Variants in EHMT1 observed in about 807,000 individuals in gnomAD.
EHMT1 encodes the protein histone-lysine N-methyltransferase EHMT1.
A neutral mutation model predicts 147.2 loss-of-function variants in EHMT1; 15 were observed. The ratio of observed to expected loss-of-function variants is 0.10; its 90% CI spans 0.07 to 0.16. The LOEUF (loss-of-function observed/expected upper bound fraction) is 0.16. Ranked by LOEUF, EHMT1 falls within the 10% of genes least tolerant of loss-of-function variation. The pLI, the probability that EHMT1 is intolerant of heterozygous loss-of-function variation, is 1.00. For synonymous variants in EHMT1, 795 were observed against 709.6 expected (o/e 1.12, Z -1.91); for missense variants, 1,587 against 1,772.4 (o/e 0.90, Z 1.88).
intron 16 of EHMT1, among the ~76,000 whole-genome samples, chr9:137,794,088 A>G (rs1952722634): frequency 6.6e-6 from 1 of 152,072 alleles, no homozygotes; most frequent in Non-Finnish European, 1.5e-5. Flanking sequence ...AAGTGATCAC[A>G]CTCCTCATAG....
chr9:137,814,723 T>G, intron 22 of EHMT1: 1 of 638,264 alleles, frequency 1.6e-6, no homozygotes, highest in Non-Finnish European at 2.8e-6. Flanking sequence ...TCCCTGGGGC[T>G]GGGGTCTGCA....
chr9:137,698,639 GT>G (rs1279542754), intron 1 of EHMT1, among the ~76,000 whole-genome samples: 1 of 152,150 alleles, frequency 6.6e-6, no homozygotes, highest in Non-Finnish European at 1.5e-5. Flanking sequence ...CCCTCAGTCT[GT>G]TTCAGGGTCA....
chr9:137,814,146 C>T (rs1012701364), intron 21 of EHMT1: 5 of 481,858 alleles, frequency 1.0e-5, no homozygotes, highest in East Asian at 8.0e-5. Context: ...CAAATGCAGC[C>T]GCCGCCCAGC....
intron 4 of EHMT1, among the ~76,000 whole-genome samples, chr9:137,736,823 G>A (rs551428369): frequency 1.3e-5 from 2 of 152,244 alleles, no homozygotes; most frequent in African/African-American, 4.8e-5. Context: ...CCTGGGAGGT[G>A]GAGGTTGCAG....
chr9:137,719,572 C>T (rs1046540916), intron 3 of EHMT1, among the ~76,000 whole-genome samples: 1 of 152,206 alleles, frequency 6.6e-6, no homozygotes, highest in East Asian at 1.9e-4. Context: ...CATGGCAAAG[C>T]TTTAGAAAAT....
intron 25 of EHMT1, among the ~76,000 whole-genome samples, chr9:137,823,794 G>A (rs1202710301): frequency 1.3e-5 from 2 of 152,180 alleles, no homozygotes; most frequent in African/African-American, 4.8e-5. Flanking sequence ...CTGACTGCAG[G>A]TGACCCACCC....
chr9:137,770,591 G>T (rs1002209175), intron 10 of EHMT1, among the ~76,000 whole-genome samples: 2 of 152,198 alleles, frequency 1.3e-5, no homozygotes, highest in African/African-American at 4.8e-5. Context: ...TATCCCGTTG[G>T]ACACCAGATA....
At chr9:137,741,618 A>C (rs1208949035) in intron 4 of EHMT1, among the ~76,000 whole-genome samples, 1 of 152,236 alleles carries the variant, frequency 6.6e-6, no homozygotes, top group East Asian at 1.9e-4. Context: ...AAGTACATGT[A>C]GTCACCCTTG....
At chr9:137,656,606 G>T (rs954673139) in intron 1 of EHMT1, among the ~76,000 whole-genome samples, 3 of 152,166 alleles carry the variant, frequency 2.0e-5, no homozygotes, top group African/African-American at 7.2e-5. Flanking sequence ...CCTGTGCTGT[G>T]GACTGGAGGC....
At chr9:137,674,196 C>T (rs546841897) in intron 1 of EHMT1, among the ~76,000 whole-genome samples, 12 of 152,162 alleles carry the variant, frequency 7.9e-5, no homozygotes, top group African/African-American at 2.2e-4. Flanking sequence ...CTGCCCTTTA[C>T]GAGGCAGTGG....
At chr9:137,745,727 A>G (rs756561290) in intron 6 of EHMT1, 18 of 394,634 alleles carry the variant, frequency 4.6e-5, no homozygotes, top group Non-Finnish European at 8.0e-5. Flanking sequence ...TACAAGGGGT[A>G]TTCAGTGTCA....
rs775614771 is a variant in EHMT1, at chr9:137,728,461, C to A, written c.755C>A (p.Pro252His). The change falls in exon 4 of 27, where the codon CCC (proline) becomes CAC (histidine). Residue 252 changes from proline to histidine, a missense_variant. Pro to His is a moderately conservative substitution (Grantham distance 77). Coordinates refer to ENST00000460843, the MANE Select transcript of EHMT1 (RefSeq NM_024757.5). Reference sequence around the variant, plus strand: ...TTTGGACGACAGCAGCTTTTACCCCCCTTCCCATCCCTTCATCAGTCGCTA... The same window carrying A: ...TTTGGACGACAGCAGCTTTTACCCCACTTCCCATCCCTTCATCAGTCGCTA... The part of the protein sequence containing the change: ...SDFGRQQLLP[P>H]FPSLHQSLPQ... The A allele has an allele frequency of 2.3e-5, 37 of 1,613,924 alleles. No individual in the cohort carries two copies. The highest frequency in any genetic ancestry group is 2.9e-5 in the Non-Finnish European group (34 of 1,179,952).
intron 1 of EHMT1, among the ~76,000 whole-genome samples, chr9:137,705,808 C>T (rs1178222463): frequency 6.6e-6 from 1 of 152,204 alleles, no homozygotes; most frequent in Non-Finnish European, 1.5e-5. Context: ...AGGGCTGTGG[C>T]AGTCTTGGGG....
At chr9:137,823,256 G>T (rs1055442173) in intron 25 of EHMT1, among the ~76,000 whole-genome samples, 1 of 151,274 alleles carries the variant, frequency 6.6e-6, no homozygotes, top group African/African-American at 2.4e-5. Flanking sequence ...CCACCACCAC[G>T]CCCAGCTAAT....
chr9:137,646,455 G>T (rs1844890733), intron 1 of EHMT1: 3 of 983,996 alleles, frequency 3.0e-6, no homozygotes, highest in Non-Finnish European at 3.6e-6. Context: ...GGGCTGAATG[G>T]GAGCCCCGAG....
intron 18 of EHMT1, among the ~76,000 whole-genome samples, chr9:137,806,570 G>A (rs1306721266): frequency 6.6e-6 from 1 of 151,946 alleles, no homozygotes; most frequent in Non-Finnish European, 1.5e-5. Context: ...TGAGTACCTG[G>A]GATTATAGGC....
intron 18 of EHMT1, among the ~76,000 whole-genome samples, chr9:137,804,356 AT>A (rs1348201843): frequency 6.6e-6 from 1 of 152,132 alleles, no homozygotes; most frequent in Non-Finnish European, 1.5e-5. Context: ...TTTTCAGTTC[AT>A]TTCATTTCTC....
rs1345113909 is a variant in EHMT1, at chr9:137,781,855, C to T, written c.2276-436C>T. 4.6e-5 allele frequency among the ~76,000 whole-genome samples: 7 copies of T among 152,288 alleles called. No individual in the cohort carries two copies. The South Asian group carries it at 8.3e-4, about 18-fold the overall frequency. On this transcript the variant is annotated intron_variant, in intron 14 of 26. Coordinates refer to ENST00000460843, the MANE Select transcript of EHMT1 (RefSeq NM_024757.5). ...TTCACAGGACACCTGTGAAGGTCAC[C>T]TCACTGCTCCGTTGCTCACCGTCCT...
At chr9:137,827,621 C>T (rs1356781807) in intron 25 of EHMT1, among the ~76,000 whole-genome samples, 1 of 152,216 alleles carries the variant, frequency 6.6e-6, no homozygotes, top group East Asian at 1.9e-4. Context: ...GGACCCCAAG[C>T]CCTCTGCTTT....
Sources: gnomAD v4.1 joint callset for allele counts (sites outside exome capture counted in the v4.1 genomes callset) on GRCh38, gnomAD v4.1.1 for gene constraint, MANE v1.5 for transcripts, NCBI Gene and HGNC (gene_info 2026-07-23, HGNC 2026-07-21) for gene names.